The following CTNND2 variants were observed in gnomAD, a reference collection of about 807,000 sequenced individuals.
The protein encoded by CTNND2 is catenin delta-2.
A neutral mutation model predicts 144.4 loss-of-function variants in CTNND2; 22 were observed. The observed-to-expected ratio is 0.15, with a 90% CI of 0.11 to 0.22. CTNND2 has a LOEUF of 0.22. Ranked by LOEUF, CTNND2 falls within the 10% of genes least tolerant of loss-of-function variation. The pLI, the probability that CTNND2 is intolerant of heterozygous loss-of-function variation, is 1.00. For synonymous variants in CTNND2, 751 were observed against 695.6 expected, an observed-to-expected ratio of 1.08 and a Z score of -1.25; for missense variants, 1,353 against 1,618.8, an observed-to-expected ratio of 0.84 and a Z score of 2.82.
intron 1 of CTNND2, among the ~76,000 whole-genome samples, chr5:11,812,943 G>C (rs1792418405): frequency 6.6e-6 from 1 of 152,040 alleles, no homozygotes. Context: ...GTATGCAAAA[G>C]TAACCCAAAC....
chr5:11,166,249 C>CTT (rs11400471), intron 11 of CTNND2, among the ~76,000 whole-genome samples: 101 of 125,858 alleles, frequency 8.0e-4, no homozygotes, highest in East Asian at 4.9e-3. Flanking sequence ...CAAAAAAGTT[C>CTT]TTTTTTTTTT....
intron 19 of CTNND2, among the ~76,000 whole-genome samples, chr5:10,989,720 A>G (rs1026652241): frequency 1.3e-5 from 2 of 152,194 alleles, no homozygotes; most frequent in African/African-American, 4.8e-5. Flanking sequence ...GCCACTGTGC[A>G]AGGCAGACAT....
intron 12 of CTNND2, among the ~76,000 whole-genome samples, chr5:11,133,427 A>G (rs1755812185): frequency 6.6e-6 from 1 of 152,034 alleles, no homozygotes; most frequent in Admixed American, 6.6e-5. Flanking sequence ...ATCTTGGCTC[A>G]CTGCAACCTC....
intron 3 of CTNND2, among the ~76,000 whole-genome samples, chr5:11,526,359 C>T (rs1041333608): frequency 1.3e-5 from 2 of 152,176 alleles, no homozygotes; most frequent in Non-Finnish European, 2.9e-5. Flanking sequence ...TATACCAACT[C>T]GCCTATGGTG....
chr5:11,486,962 G>A (rs2149986269), intron 3 of CTNND2, among the ~76,000 whole-genome samples: 1 of 152,174 alleles, frequency 6.6e-6, no homozygotes, highest in African/African-American at 2.4e-5. Flanking sequence ...ATAACTCAAA[G>A]CTTTGGACAT....
chr5:11,257,309 A>T (rs896471333), intron 9 of CTNND2, among the ~76,000 whole-genome samples: 3 of 152,226 alleles, frequency 2.0e-5, no homozygotes, highest in African/African-American at 7.2e-5. Flanking sequence ...ACATGTGATA[A>T]GACTGCAGGA....
intron 14 of CTNND2, among the ~76,000 whole-genome samples, chr5:11,102,705 GA>G (rs955538264): frequency 3.3e-5 from 5 of 151,508 alleles, no homozygotes; most frequent in African/African-American, 9.7e-5. Flanking sequence ...AAAATTTTTG[GA>G]AAAAAAAGAG....
At chr5:11,871,498 C>T (rs1005964796) in intron 1 of CTNND2, among the ~76,000 whole-genome samples, 12 of 152,088 alleles carry the variant, frequency 7.9e-5, no homozygotes, top group African/African-American at 2.9e-4. Flanking sequence ...CTGTAAAGAG[C>T]TATCATATTA....
At chr5:11,071,969 C>T (rs1289604356) in intron 16 of CTNND2, among the ~76,000 whole-genome samples, 1 of 152,194 alleles carries the variant, frequency 6.6e-6, no homozygotes, top group Non-Finnish European at 1.5e-5. Context: ...ATGTTCGAAT[C>T]TGAGGAAGAA....
intron 2 of CTNND2, among the ~76,000 whole-genome samples, chr5:11,727,186 T>C (rs1170960825): frequency 6.6e-6 from 1 of 152,194 alleles, no homozygotes; most frequent in African/African-American, 2.4e-5. Flanking sequence ...ATGCAGGTGG[T>C]CCCATCAATC....
intron 2 of CTNND2, among the ~76,000 whole-genome samples, chr5:11,678,986 G>A (rs1784306431): frequency 6.6e-6 from 1 of 151,898 alleles, no homozygotes; most frequent in Non-Finnish European, 1.5e-5. Context: ...GATGGACACC[G>A]ATGGTTCTGG....
At position 11,734,881 on chromosome 5, in the gene CTNND2, T is replaced by C. The variant is rs569689110; in HGVS notation, c.38-2609A>G. The stretch of plus-strand genomic sequence containing the variant: ...TTGAACATTTCATCTAATTTTTTAT[T>C]TGTTTTAATTTTATGAAGTACTTAT... On this transcript the variant is annotated intron_variant, in intron 1 of 21. Coordinates refer to ENST00000304623, the MANE Select transcript of CTNND2 (RefSeq NM_001332.4). Among the ~76,000 whole-genome samples, 180 of 152,336 alleles carry C rather than the reference T, an allele frequency of 1.2e-3. 1 individual carries two copies. The highest frequency in any genetic ancestry group is 3.8e-3 in the African/African-American group (160 of 41,576).
chr5:11,332,060 G>C (rs994006442), intron 9 of CTNND2, among the ~76,000 whole-genome samples: 1 of 152,054 alleles, frequency 6.6e-6, no homozygotes, highest in African/African-American at 2.4e-5. Flanking sequence ...CGGATCACCT[G>C]AGGTCGGGAG....
intron 9 of CTNND2, among the ~76,000 whole-genome samples, chr5:11,331,046 G>A (rs755803447): frequency 2.0e-5 from 3 of 152,066 alleles, no homozygotes; most frequent in African/African-American, 7.2e-5. Flanking sequence ...CTACAGAAAC[G>A]TTTCCGTTTA....
intron 2 of CTNND2, among the ~76,000 whole-genome samples, chr5:11,702,315 G>A (rs1368439459): frequency 5.3e-5 from 8 of 152,166 alleles, no homozygotes; most frequent in African/African-American, 1.9e-4. Context: ...TTAGCTCCCA[G>A]TTTATTTTTC....
chr5:11,170,251 A>C (rs1240069245), intron 11 of CTNND2, among the ~76,000 whole-genome samples: 1 of 152,184 alleles, frequency 6.6e-6, no homozygotes, highest in Non-Finnish European at 1.5e-5. Context: ...CTATCCTTTC[A>C]AGCAGAATAT....
chr5:11,163,381 C>G (rs74437121), intron 11 of CTNND2, among the ~76,000 whole-genome samples: 39 of 152,326 alleles, frequency 2.6e-4, no homozygotes, highest in African/African-American at 8.9e-4. Flanking sequence ...ACCAAGCCTT[C>G]GAATGACTGC....
intron 3 of CTNND2, among the ~76,000 whole-genome samples, chr5:11,441,952 G>A (rs955591041): frequency 6.6e-6 from 1 of 152,130 alleles, no homozygotes; most frequent in African/African-American, 2.4e-5. Flanking sequence ...ACAGGCCTGT[G>A]TGGCTTTTCT....
At chr5:11,887,200 G>A (rs1736617274) in intron 1 of CTNND2, among the ~76,000 whole-genome samples, 1 of 151,642 alleles carries the variant, frequency 6.6e-6, no homozygotes, top group Non-Finnish European at 1.5e-5. Flanking sequence ...AGCCAGAATG[G>A]TCTTGATCTT....
Sources: gnomAD v4.1 joint callset for allele counts (sites outside exome capture counted in the v4.1 genomes callset) on GRCh38, gnomAD v4.1.1 for gene constraint, MANE v1.5 for transcripts, NCBI Gene and HGNC (gene_info 2026-07-23, HGNC 2026-07-21) for gene names.